CSMD1: variants seen among roughly 807,000 people sequenced by gnomAD.
The protein encoded by CSMD1 is CUB and Sushi multiple domains 1.
A neutral mutation model predicts 417.5 loss-of-function variants in CSMD1; 213 were observed. The observed-to-expected ratio is 0.51, with a 90% confidence interval of 0.46 to 0.57. The LOEUF (loss-of-function observed/expected upper bound fraction) is 0.57, where lower values mean the gene tolerates loss of function less well. Among genes scored for constraint, CSMD1 ranks in the 20% least tolerant of loss-of-function variants. CSMD1 has a pLI of 0.00. For missense variants in CSMD1, 6,923 were observed against 4,529.7 expected, an observed-to-expected ratio of 1.53 and a Z score of -15.17; for synonymous variants, 2,862 against 1,736.8, an observed-to-expected ratio of 1.65 and a Z score of -16.11.
intron 1 of CSMD1, among the ~76,000 whole-genome samples, chr8:4,887,547 G>A (rs533962341): frequency 1.3e-5 from 2 of 151,736 alleles, no homozygotes; most frequent in South Asian, 4.2e-4. Context: ...TTTTTTATTT[G>A]TTAACGAAAG....
intron 2 of CSMD1, among the ~76,000 whole-genome samples, chr8:4,564,090 T>C (rs1314846940): frequency 6.6e-6 from 1 of 152,152 alleles, no homozygotes; most frequent in Non-Finnish European, 1.5e-5. Context: ...CATATTTAAA[T>C]AAATTGATGA....
intron 5 of CSMD1, among the ~76,000 whole-genome samples, chr8:3,756,709 A>G (rs1439037309): frequency 1.3e-5 from 2 of 152,304 alleles, no homozygotes; most frequent in South Asian, 2.1e-4. Flanking sequence ...CACAACCGCA[A>G]TCAATGCTTG....
intron 5 of CSMD1, among the ~76,000 whole-genome samples, chr8:3,801,079 A>C (rs766953633): frequency 1.3e-5 from 2 of 152,184 alleles, no homozygotes; most frequent in Non-Finnish European, 2.9e-5. Context: ...TTGATATGAT[A>C]CAAAAAGCAC....
intron 1 of CSMD1, among the ~76,000 whole-genome samples, chr8:4,976,864 G>C (rs766723771): frequency 4.6e-5 from 7 of 152,074 alleles, no homozygotes; most frequent in Non-Finnish European, 5.9e-5. Flanking sequence ...TGTGCTTAAA[G>C]AAATATAGAG....
In CSMD1 at chr8:4,175,933, G is replaced by A. The variant is rs916468395; in HGVS notation, c.416-143834C>T. Among the ~76,000 whole-genome samples, 4 of 152,108 alleles carry A rather than the reference G, an allele frequency of 2.6e-5. No homozygotes were observed. In the East Asian group the frequency reaches 7.7e-4, roughly 29 times the overall value. ...ACTTTTCTGTGTGGTCACTGTGCAG[G>A]TGCTGTCGACATTGGTGGCATGGGG... On this transcript the variant is annotated intron_variant, in intron 3 of 69. Transcript: ENST00000635120.
At chr8:3,291,158 C>T (rs1803527995) in intron 25 of CSMD1, among the ~76,000 whole-genome samples, 2 of 152,176 alleles carry the variant, frequency 1.3e-5, no homozygotes, top group Non-Finnish European at 2.9e-5. Flanking sequence ...AGCAGCCTTG[C>T]ATCCCAGGGA....
intron 2 of CSMD1, among the ~76,000 whole-genome samples, 183 bp from the exon 3 acceptor site, chr8:4,420,248 G>A (rs1437226514): frequency 2.0e-5 from 3 of 152,052 alleles, no homozygotes; most frequent in Non-Finnish European, 2.9e-5. Flanking sequence ...ACATTTTCAA[G>A]TATGAGAATA....
At chr8:3,180,217 G>A (rs112318814) in intron 37 of CSMD1, among the ~76,000 whole-genome samples, 1 of 152,172 alleles carries the variant, frequency 6.6e-6, no homozygotes. Context: ...CGCCAAAAAA[G>A]ATCTGTGAAT....
intron 6 of CSMD1, among the ~76,000 whole-genome samples, chr8:3,709,684 T>TGC (rs1585112949): frequency 3.7e-5 from 4 of 108,478 alleles, no homozygotes; most frequent in Admixed American, 9.3e-5. Context: ...CAGCATGTTT[T>TGC]TTTTTTTTTT....
chr8:3,034,571 A>G (rs74854527), intron 50 of CSMD1, among the ~76,000 whole-genome samples: 1 of 152,188 alleles, frequency 6.6e-6, no homozygotes, highest in Non-Finnish European at 1.5e-5. Context: ...TATGTAATTT[A>G]TATGTATGTA....
intron 5 of CSMD1, among the ~76,000 whole-genome samples, chr8:3,816,494 A>C (rs184279134): frequency 6.6e-6 from 1 of 152,164 alleles, no homozygotes; most frequent in East Asian, 1.9e-4. Context: ...CTAATTTATA[A>C]ATTAAACTTC....
At chr8:4,664,980 A>G (rs1804824520) in intron 1 of CSMD1, among the ~76,000 whole-genome samples, 1 of 152,202 alleles carries the variant, frequency 6.6e-6, no homozygotes, top group South Asian at 2.1e-4. Flanking sequence ...GAAAAAGGAA[A>G]ATAATATCTC....
intron 65 of CSMD1, among the ~76,000 whole-genome samples, chr8:2,953,411 A>G (rs558833658): frequency 1.3e-5 from 2 of 151,892 alleles, no homozygotes; most frequent in African/African-American, 4.8e-5. Flanking sequence ...ATAGCAATAC[A>G]AATACTCTTT....
Position 4,041,155 on chromosome 8 carries a change from T to C in CSMD1, c.416-9056A>G, listed in dbSNP as rs576690621. On this transcript the variant is annotated intron_variant, in intron 3 of 69. Transcript: ENST00000635120. Reference sequence around the variant, plus strand: ...CCTCAGCCTCCCGAGTAGCTGGGACTACAGGCGCCCGCCACCACGCCCGGC... The same window carrying C: ...CCTCAGCCTCCCGAGTAGCTGGGACCACAGGCGCCCGCCACCACGCCCGGC... 1.5e-3 allele frequency among the ~76,000 whole-genome samples: 223 copies of C among 151,804 alleles called. 2 individuals are homozygous for C. The highest frequency in any genetic ancestry group is 2.0e-3 in the Non-Finnish European group (134 of 67,852).
chr8:3,854,074 AAT>A (rs1370396518), intron 5 of CSMD1, among the ~76,000 whole-genome samples: 2 of 146,514 alleles, frequency 1.4e-5, no homozygotes, highest in African/African-American at 4.9e-5. Flanking sequence ...TTTAGCATAT[AAT>A]ATACTAAAGA....
intron 5 of CSMD1, among the ~76,000 whole-genome samples, chr8:3,946,930 C>T (rs1407889453): frequency 6.6e-6 from 1 of 152,172 alleles, no homozygotes; most frequent in African/African-American, 2.4e-5. Flanking sequence ...CTTGTTATGT[C>T]TAGTAACTTT....
chr8:3,952,497 T>TA (rs1385454620), intron 5 of CSMD1, among the ~76,000 whole-genome samples: 5 of 152,204 alleles, frequency 3.3e-5, no homozygotes, highest in Non-Finnish European at 7.3e-5. Flanking sequence ...TACTAACAGA[T>TA]ACAAGCCACA....
chr8:3,797,319 T>A (rs1181349741), intron 5 of CSMD1, among the ~76,000 whole-genome samples: 1 of 151,986 alleles, frequency 6.6e-6, no homozygotes, highest in African/African-American at 2.4e-5. Context: ...TGTTATATAA[T>A]TCAATGATTG....
At chr8:4,352,031 G>A (rs912440114) in intron 3 of CSMD1, among the ~76,000 whole-genome samples, 1 of 149,600 alleles carries the variant, frequency 6.7e-6, no homozygotes, top group African/African-American at 2.5e-5. Flanking sequence ...GATCGTTTAA[G>A]TTCATTGTGT....
Sources: allele counts gnomAD v4.1 joint callset (sites outside exome capture counted in the v4.1 genomes callset), GRCh38; gene constraint gnomAD v4.1.1; transcripts MANE v1.5; gene names NCBI Gene and HGNC (gene_info 2026-07-23, HGNC 2026-07-21).